The following INCENP variants were observed in gnomAD, a reference collection of about 807,000 sequenced individuals.
INCENP encodes inner centromere protein.
INCENP carries 43 observed loss-of-function variants against 107.3 expected under a neutral mutation model. The observed-to-expected ratio is 0.40, with a 90% confidence interval of 0.31 to 0.52. INCENP has a LOEUF of 0.52. Ranked by LOEUF, INCENP falls within the 20% of genes least tolerant of loss-of-function variation. The pLI, the probability that INCENP is intolerant of heterozygous loss-of-function variation, is 0.53. For synonymous variants in INCENP, 488 were observed against 494.4 expected (o/e 0.99, Z 0.17); for missense variants, 1,089 against 1,250.9 (o/e 0.87, Z 1.95).
Position 62,145,238 on chromosome 11 carries a change from G to C in INCENP, c.1785G>C (p.Lys595Asn). The change falls in exon 13 of 19, where the codon AAG becomes AAC. Residue 595 changes from lysine (K) to asparagine (N), a missense_variant. Coordinates refer to ENST00000394818, the MANE Select transcript of INCENP (RefSeq NM_001040694.2). Reference sequence around the variant, plus strand: ...GGGTGGAGCAGATGAAGGAGGAGAAGAAGAAGCAGATTGAGCAGAAGTTTG... The same window carrying C: ...GGGTGGAGCAGATGAAGGAGGAGAACAAGAAGCAGATTGAGCAGAAGTTTG... ...RERVEQMKEE[K>N]KKQIEQKFAQ... 1 of 1,614,116 alleles carries C rather than the reference G, an allele frequency of 6.2e-7. No homozygotes were observed. Among genetic ancestry groups the C allele is most frequent in the Non-Finnish European group, 8.5e-7 (1 of 1,180,040 alleles).
chr11:62,146,922 G>A lies in INCENP; in HGVS notation c.2204+20G>A, dbSNP rs377708529. The A allele has an allele frequency of 1.4e-3, 2,263 of 1,597,810 alleles. 36 individuals carry two copies. In the South Asian group the frequency reaches 0.023, roughly 16 times the overall value. On this transcript the variant is annotated intron_variant, in intron 15 of 18. Transcript: ENST00000394818. ...CGAGAGGTGAGGGACCTGCTGGCCC[G>A]CCTGCCTGCCTTCCATGTGTGTGGA...
chr11:62,150,040 C>A lies in INCENP; in HGVS notation c.2392-17C>A. On this transcript the variant is annotated splice_polypyrimidine_tract_variant and intron_variant, in intron 17 of 18. Transcript: ENST00000394818. ...GAATGCCATGGAGGGAACTGACGGCCACGTTTGTTTTTGCAGTCTCCAGCT... is the reference window on the plus strand; with the variant it reads ...GAATGCCATGGAGGGAACTGACGGCAACGTTTGTTTTTGCAGTCTCCAGCT... The A allele has an allele frequency of 1.2e-6, 2 of 1,612,522 alleles. No individual in the cohort carries two copies. Among genetic ancestry groups the A allele is most frequent in the Non-Finnish European group, 1.7e-6 (2 of 1,179,082 alleles).
At chr11:62,135,903 G>A (rs181441131) in intron 4 of INCENP, among the ~76,000 whole-genome samples, 5,261 of 151,810 alleles carry the variant, frequency 0.035, 293 homozygotes, top group African/African-American at 0.12. Context: ...TCCGCCTCCC[G>A]GGTTCACGCC....
In INCENP at chr11:62,140,301, G is replaced by C; in HGVS notation, c.1343+16G>C. 6.2e-7 allele frequency: 1 copy of C among 1,610,416 alleles called. No homozygotes were observed. The highest frequency in any genetic ancestry group is 8.5e-7 in the Non-Finnish European group (1 of 1,176,886). ...AGAGTGCCAGGTTTGCATCCGGGAA[G>C]GGGTGTGTAGGTAACTCTGAGGGCC... On this transcript the variant is annotated intron_variant, in intron 8 of 18. Transcript: ENST00000394818.
intron 17 of INCENP, among the ~76,000 whole-genome samples, chr11:62,149,405 G>A (rs1944325659): frequency 1.3e-5 from 2 of 152,130 alleles, no homozygotes; most frequent in Admixed American, 1.3e-4. Context: ...CTTCACTGCT[G>A]TTACCAAACA....
chr11:62,132,104 C>T (rs543392706), intron 4 of INCENP, among the ~76,000 whole-genome samples: 9 of 152,302 alleles, frequency 5.9e-5, no homozygotes, highest in South Asian at 2.1e-4. Context: ...TTTATCTCAA[C>T]GCATGTTAAA....
rs374192818 is a variant in INCENP at position 62,130,333 on chromosome 11, C to T, written c.806C>T (p.Ser269Leu). The T allele has an allele frequency of 3.2e-5, 51 of 1,611,610 alleles. No homozygotes were observed. In the South Asian group the frequency reaches 4.1e-4, roughly 13 times the overall value. ...CAGGTCTCCCCTGGCCCACGGGACTCGCCAGCCTTTCCAGATTCTCCATGG... is the reference window on the plus strand; with the variant it reads ...CAGGTCTCCCCTGGCCCACGGGACTTGCCAGCCTTTCCAGATTCTCCATGG... ...IAQVSPGPRD[S>L]PAFPDSPWRE... Residue 269 changes from serine (S) to leucine (L), a missense_variant, in exon 4 of 19, where the codon TCG becomes TTG. Ser to Leu is a moderately radical substitution (Grantham distance 145, BLOSUM62 -2). Transcript: ENST00000394818.
rs1612739 is a variant in INCENP at position 62,148,851 on chromosome 11, C to A, written c.2391+5C>A. ...AATGTGACTGTGGACGTGCAGGTGC[C>A]ACCTGGGCCCCAGTGGAGAGGCTCT... On this transcript the variant is annotated splice_donor_5th_base_variant and intron_variant, in intron 17 of 18. Transcript: ENST00000394818. 6,264 of 1,591,270 alleles carry A rather than the reference C, an allele frequency of 3.9e-3. 223 individuals carry two copies. In the African/African-American group the frequency reaches 0.075, roughly 19 times the overall value.
Position 62,130,609 on chromosome 11 carries a change from C to T in INCENP, c.1063+19C>T. ...ATCATCTGTGAGTCTGGGGGCTTGG[C>T]AGTGGCGGGTGGTCCTTGGTGCCAG... On this transcript the variant is annotated intron_variant, in intron 4 of 18. Transcript: ENST00000394818. 1 of 1,596,200 alleles carries T rather than the reference C, an allele frequency of 6.3e-7. No individual in the cohort carries two copies. The highest frequency in any genetic ancestry group is 8.5e-7 in the Non-Finnish European group (1 of 1,170,706).
At chr11:62,129,447 C>T (rs1005387249) in intron 3 of INCENP, among the ~76,000 whole-genome samples, 7 of 152,078 alleles carry the variant, frequency 4.6e-5, no homozygotes, top group African/African-American at 1.7e-4. Context: ...CTCTCAAGGG[C>T]GTGCTCTGGA....
chr11:62,149,159 G>C (rs559296363), intron 17 of INCENP, among the ~76,000 whole-genome samples: 5 of 122,904 alleles, frequency 4.1e-5, no homozygotes, highest in South Asian at 2.3e-4. Flanking sequence ...CACACACACA[G>C]ATATCCTCTC....
chr11:62,146,109 G>A (rs1944237227), intron 14 of INCENP, among the ~76,000 whole-genome samples: 1 of 152,220 alleles, frequency 6.6e-6, no homozygotes, highest in Non-Finnish European at 1.5e-5. Flanking sequence ...GCTCAGTAGT[G>A]TCTGATGCCT....
chr11:62,146,975 C>T (rs1944265485), intron 15 of INCENP, 73 bp downstream of exon 15: 2 of 1,571,174 alleles, frequency 1.3e-6, no homozygotes, highest in Admixed American at 1.7e-5. Flanking sequence ...CTTGCCTGGA[C>T]ACAGCCCCAC....
Position 62,141,183 on chromosome 11 carries a change from A to AAGCCTCTGTGGCCACCGGCTGT in INCENP, c.1593+140_1593+161dup, listed in dbSNP as rs1434666687. 19 of 1,225,052 alleles carry AAGCCTCTGTGGCCACCGGCTGT rather than the reference A, an allele frequency of 1.6e-5. No individual in the cohort carries two copies. The Admixed American group carries it at 4.6e-4, about 29-fold the overall frequency. 75.9% of individuals were successfully genotyped at this position (1,225,052 alleles called of 1,614,324 possible). ...GCCTGGCACTGTTAGGGGCCGGTTG[A>AAGCCTCTGTGGCCACCGGCTGT]AGCCTCTGTGGCCACCGGCTGTCTT... On this transcript the variant is annotated intron_variant, in intron 10 of 18. Transcript: ENST00000394818.
intron 4 of INCENP, among the ~76,000 whole-genome samples, chr11:62,136,061 T>C (rs907352891): frequency 2.0e-5 from 3 of 152,218 alleles, no homozygotes; most frequent in Admixed American, 1.3e-4. Flanking sequence ...CCTCCCAAAG[T>C]GCTGGGATTA....
At chr11:62,146,342 T>C (rs958207569) in intron 14 of INCENP, among the ~76,000 whole-genome samples, 2 of 152,266 alleles carry the variant, frequency 1.3e-5, no homozygotes, top group African/African-American at 4.8e-5. Context: ...TAGGAATAAC[T>C]GCAGTCTCCA....
chr11:62,141,540 C>A, intron 11 of INCENP, 29 bp downstream of exon 11: 1 of 1,613,930 alleles, frequency 6.2e-7, no homozygotes, highest in Non-Finnish European at 8.5e-7. Flanking sequence ...TGTCGGTAAC[C>A]TCGCCCCACC....
Position 62,128,192 on chromosome 11 carries a change from C to T in INCENP, c.31C>T (p.Leu11=). The T allele has an allele frequency of 6.2e-7, 1 of 1,614,200 alleles. No individual in the cohort carries two copies. Residue 11 remains leucine, a synonymous_variant, in exon 2 of 19, where the codon CTG becomes TTG. Coordinates refer to ENST00000394818, the MANE Select transcript of INCENP (RefSeq NM_001040694.2). ...GACGACGGCCCCAGGGCCCATTCAC[C>T]TGCTGGAGCTATGTGACCAGAAGCT... MGTTAPGPIH[L]LELCDQKLME...
rs777641583 is a variant in INCENP at position 62,130,054 on chromosome 11, G to A, written c.527G>A (p.Arg176His). The A allele has an allele frequency of 2.5e-5, 41 of 1,613,652 alleles. 1 individual carries two copies. Among genetic ancestry groups the A allele is most frequent in the African/African-American group, 6.7e-5 (5 of 74,864 alleles). ...GTGGTGGAGATCGGCATCAGTGAGC[G>A]CCAGAATGCTGAGCAGCATGTCACC... Reference protein sequence around the residue: ...VPVVEIGISERQNAEQHVTQL... With the variant: ...VPVVEIGISEHQNAEQHVTQL... The change falls in exon 4 of 19, where the codon CGC (arginine) becomes CAC (histidine). Residue 176 changes from arginine to histidine, a missense_variant. Coordinates refer to ENST00000394818, the MANE Select transcript of INCENP (RefSeq NM_001040694.2).
Sources: allele counts gnomAD v4.1 joint callset (sites outside exome capture counted in the v4.1 genomes callset), GRCh38; gene constraint gnomAD v4.1.1; transcripts MANE v1.5; gene names NCBI Gene and HGNC (gene_info 2026-07-23, HGNC 2026-07-21).